Variants in C9orf85 observed in about 807,000 individuals in gnomAD.
C9orf85 encodes chromosome 9 open reading frame 85, also known as uncharacterized protein C9orf85.
In C9orf85, 16 loss-of-function variants were observed where a neutral mutation model predicts 14.9. The ratio of observed to expected loss-of-function variants is 1.08; its 90% CI spans 0.73 to 1.63. The LOEUF is 1.63. Ranked by LOEUF, C9orf85 falls within the 40% of genes most tolerant of loss-of-function variation. The pLI is 0.00. For missense variants in C9orf85, 172 were observed against 186.1 expected (o/e 0.92, Z 0.44); for synonymous variants, 45 against 56.8 (o/e 0.79, Z 0.93).
At chr9:71,949,902 C>T (rs771028562) in intron 2 of C9orf85, among the ~76,000 whole-genome samples, 4 of 152,158 alleles carry the variant, frequency 2.6e-5, no homozygotes, top group Non-Finnish European at 5.9e-5. Flanking sequence ...ATATAAGGGT[C>T]TTATGGCCTA....
intron 2 of C9orf85, among the ~76,000 whole-genome samples, chr9:71,959,498 T>A (rs1275986707): frequency 6.6e-6 from 1 of 152,162 alleles, no homozygotes; most frequent in African/African-American, 2.4e-5. Flanking sequence ...CCTGTAGAGG[T>A]AGCAAGAACA....
At chr9:71,961,100 C>T (rs905715605) in intron 2 of C9orf85, among the ~76,000 whole-genome samples, 2 of 151,470 alleles carry the variant, frequency 1.3e-5, no homozygotes, top group East Asian at 2.0e-4. Context: ...TCAGTAGAGA[C>T]GGGATTTCTC....
chr9:71,950,845 A>G (rs1218377668), intron 2 of C9orf85, among the ~76,000 whole-genome samples: 8 of 152,180 alleles, frequency 5.3e-5, no homozygotes. Flanking sequence ...GGGGCTTTTT[A>G]TAAGTGACAT....
chr9:71,958,569 AAAATATTTTAC>A (rs761680555), intron 2 of C9orf85, among the ~76,000 whole-genome samples: 21 of 152,094 alleles, frequency 1.4e-4, no homozygotes, highest in Non-Finnish European at 5.9e-5. Context: ...GCCAGTAATT[AAAATATTTTAC>A]CCTGAAAATA....
At chr9:71,922,982 T>C (rs1306370042) in intron 1 of C9orf85, among the ~76,000 whole-genome samples, 2 of 152,030 alleles carry the variant, frequency 1.3e-5, no homozygotes, top group African/African-American at 4.8e-5. Flanking sequence ...ACAAAAAAAT[T>C]AGCTGGGCGT....
intron 1 of C9orf85, among the ~76,000 whole-genome samples, chr9:71,933,574 C>T (rs1232651683): frequency 6.6e-6 from 1 of 152,170 alleles, no homozygotes; most frequent in Admixed American, 6.5e-5. Flanking sequence ...ATATCTGAAT[C>T]GCTAGACTGC....
intron 2 of C9orf85, among the ~76,000 whole-genome samples, chr9:71,949,122 A>G (rs1474573079): frequency 6.6e-6 from 1 of 152,194 alleles, no homozygotes; most frequent in Non-Finnish European, 1.5e-5. Flanking sequence ...TTTTATTCCT[A>G]TAAAGGTATT....
intron 1 of C9orf85, among the ~76,000 whole-genome samples, chr9:71,922,146 G>T (rs10746895): frequency 0.9 from 136,990 of 151,872 alleles, 63,347 homozygotes; most frequent in East Asian, 1. Flanking sequence ...TCACCATCTT[G>T]GCCAGGCTGG....
intron 2 of C9orf85, among the ~76,000 whole-genome samples, chr9:71,950,665 C>T (rs2132316003): frequency 6.6e-6 from 1 of 152,304 alleles, no homozygotes; most frequent in South Asian, 2.1e-4. Context: ...TCACCACACC[C>T]AGCCTTGGAT....
At chr9:71,955,098 A>G (rs575631810) in intron 2 of C9orf85, among the ~76,000 whole-genome samples, 29 of 152,264 alleles carry the variant, frequency 1.9e-4, no homozygotes, top group South Asian at 4.1e-4. Context: ...TCATTTTTCA[A>G]TGAAGACAAA....
At chr9:71,917,850 A>AT (rs1363160610) in intron 1 of C9orf85, among the ~76,000 whole-genome samples, 1 of 152,204 alleles carries the variant, frequency 6.6e-6, no homozygotes, top group Non-Finnish European at 1.5e-5. Flanking sequence ...ATTGATATAA[A>AT]TTTTACCTCA....
At chr9:71,985,695 A>G (rs1423218753), downstream of C9orf85, 1 of 152,212 alleles carries the variant, frequency 6.6e-6, no homozygotes, top group Admixed American at 6.5e-5. Context: ...GATGGGGACC[A>G]TTGTTATGCG....
intron 1 of C9orf85, among the ~76,000 whole-genome samples, chr9:71,920,188 AT>A (rs549458077): frequency 6.2e-4 from 94 of 152,008 alleles, no homozygotes; most frequent in African/African-American, 2.2e-3. Context: ...ATATAATATA[AT>A]TTTTTTGTGT....
At chr9:71,967,722 T>TC (rs1822732878) in intron 2 of C9orf85, among the ~76,000 whole-genome samples, 1 of 119,768 alleles carries the variant, frequency 8.3e-6, no homozygotes, top group Non-Finnish European at 2.0e-5. Context: ...TCTTTTTTTT[T>TC]TTTTTTTTTT....
Position 71,911,683 on chromosome 9 carries a change from T to C in C9orf85, c.-52T>C. 6.6e-7 allele frequency: 1 copy of C among 1,504,548 alleles called. No individual in the cohort carries two copies. Among genetic ancestry groups the C allele is most frequent in the South Asian group, 1.1e-5 (1 of 88,924 alleles). 93.2% of individuals were successfully genotyped at this position (1,504,548 alleles called of 1,614,324 possible). Reference sequence around the variant, plus strand: ...CCTGGGAGTAGTTCGTTGGTTTTCTTTCCCCTCATCCTTTTGCCTGCTCCC... The same window carrying C: ...CCTGGGAGTAGTTCGTTGGTTTTCTCTCCCCTCATCCTTTTGCCTGCTCCC... On this transcript the variant is annotated 5_prime_UTR_variant, in exon 1 of 4. Coordinates refer to ENST00000334731, the MANE Select transcript of C9orf85 (RefSeq NM_182505.5).
chr9:71,983,795 A>T (rs1487832099), downstream of C9orf85: 1 of 152,228 alleles, frequency 6.6e-6, no homozygotes, highest in Non-Finnish European at 1.5e-5. Flanking sequence ...GGGTATGTCC[A>T]ACGTGACAGG....
chr9:71,964,605 C>A (rs1023157066), intron 2 of C9orf85, among the ~76,000 whole-genome samples: 1 of 151,994 alleles, frequency 6.6e-6, no homozygotes, highest in Non-Finnish European at 1.5e-5. Flanking sequence ...GAAGAAACTC[C>A]GAGCACATCT....
chr9:71,932,098 T>C (rs1289637638), intron 1 of C9orf85, among the ~76,000 whole-genome samples: 1 of 152,196 alleles, frequency 6.6e-6, no homozygotes, highest in Non-Finnish European at 1.5e-5. Flanking sequence ...GCTCCTCAAA[T>C]CATACATGAA....
At chr9:71,964,024 A>G (rs1404626510) in intron 2 of C9orf85, among the ~76,000 whole-genome samples, 1 of 152,110 alleles carries the variant, frequency 6.6e-6, no homozygotes, top group Non-Finnish European at 1.5e-5. Flanking sequence ...GGACGTGGAG[A>G]ACCTTTATGT....
Sources: gnomAD v4.1 joint callset for allele counts (sites outside exome capture counted in the v4.1 genomes callset) on GRCh38, gnomAD v4.1.1 for gene constraint, MANE v1.5 for transcripts, NCBI Gene and HGNC (gene_info 2026-07-23, HGNC 2026-07-21) for gene names.